TENM4: variants seen among roughly 807,000 people sequenced by gnomAD.
The protein encoded by TENM4 is teneurin transmembrane protein 4.
Under a neutral mutation model 243.3 loss-of-function variants are expected in TENM4, and 82 were observed. The ratio of observed to expected loss-of-function variants is 0.34; its 90% CI spans 0.28 to 0.40. TENM4 has a LOEUF of 0.40. Ranked by LOEUF, TENM4 falls within the 10% of genes least tolerant of loss-of-function variation. The pLI is 1.00. For synonymous variants in TENM4, 1,412 were observed against 1,456.3 expected, an observed-to-expected ratio of 0.97 and a Z score of 0.69; for missense variants, 3,138 against 3,673.3, an observed-to-expected ratio of 0.85 and a Z score of 3.77.
rs910895621 is a variant in TENM4, at chr11:78,656,921, CTTTT to C, written c.*1133_*1136del. On this transcript the variant is annotated 3_prime_UTR_variant, in exon 34 of 34. Transcript: ENST00000278550. ...CTTATGCCTTCCTCTCTTTGGCTGGCTTTTTTTGTTAAGCATTTTTCCAGAATCA... is the reference window on the plus strand; with the variant it reads ...CTTATGCCTTCCTCTCTTTGGCTGGCTTTGTTAAGCATTTTTCCAGAATCA... The C allele has an allele frequency of 1.5e-5, 6 of 397,756 alleles. No homozygotes were observed. The East Asian group carries it at 2.1e-4, about 14-fold the overall frequency. 24.6% of individuals were successfully genotyped at this position (397,756 alleles called of 1,614,324 possible). A position where few individuals can be genotyped will look rare whatever the true frequency, so the allele number is the denominator to read the frequency against.
rs1381180109 is a variant in TENM4, at chr11:78,654,379, T to C, written c.*3679A>G. 6.6e-6 allele frequency: 1 copy of C among 152,246 alleles called. No homozygotes were observed. Among genetic ancestry groups the C allele is most frequent in the East Asian group, 1.9e-4 (1 of 5,200 alleles). The allele number at this position is 152,246 out of a possible 1,614,324, so 9.4% of individuals were successfully genotyped here. ...ACCACAAATACAAGACTGCAAGTGG[T>C]AAAACTGCATTCTAAGATTTCACAT... On this transcript the variant is annotated 3_prime_UTR_variant, in exon 34 of 34. Transcript: ENST00000278550.
intron 4 of TENM4, among the ~76,000 whole-genome samples, chr11:79,103,676 C>T (rs955069617): frequency 1.3e-5 from 2 of 152,140 alleles, no homozygotes; most frequent in African/African-American, 2.4e-5. Flanking sequence ...AGATACTTTC[C>T]GATTTCATAA....
intron 12 of TENM4, 142 bp downstream of exon 12, chr11:78,853,962 C>T (rs756364352): frequency 3.8e-6 from 3 of 783,824 alleles, no homozygotes; most frequent in Non-Finnish European, 5.9e-6. Flanking sequence ...GTAGCAGGCC[C>T]AGTCAGGAGG....
intron 1 of TENM4, among the ~76,000 whole-genome samples, chr11:79,427,615 A>C (rs1859081025): frequency 6.6e-6 from 1 of 152,214 alleles, no homozygotes. Context: ...CCATGGCAAG[A>C]TTATGGGTTC....
chr11:78,855,831 C>T (rs1858667747), intron 11 of TENM4, 133 bp downstream of exon 11: 7 of 845,508 alleles, frequency 8.3e-6, no homozygotes, highest in Middle Eastern at 3.7e-4. Flanking sequence ...AGAGGGACTA[C>T]ATGAATGAAT....
intron 3 of TENM4, among the ~76,000 whole-genome samples, chr11:79,196,935 G>T (rs1395534147): frequency 6.6e-6 from 1 of 152,200 alleles, no homozygotes; most frequent in Non-Finnish European, 1.5e-5. Flanking sequence ...GCCTCCCTCA[G>T]CAAGGCTTAT....
At chr11:78,825,673 T>C (rs1206069736) in intron 12 of TENM4, among the ~76,000 whole-genome samples, 1 of 152,200 alleles carries the variant, frequency 6.6e-6, no homozygotes, top group Non-Finnish European at 1.5e-5. Context: ...GGAGGTAGTA[T>C]TTGAATAGCT....
At chr11:79,160,243 T>C (rs1862713792) in intron 3 of TENM4, among the ~76,000 whole-genome samples, 1 of 152,178 alleles carries the variant, frequency 6.6e-6, no homozygotes, top group Non-Finnish European at 1.5e-5. Flanking sequence ...GCATATCTCC[T>C]GGTGTGCAGG....
At chr11:79,412,591 T>C (rs1441686078) in intron 1 of TENM4, among the ~76,000 whole-genome samples, 2 of 152,190 alleles carry the variant, frequency 1.3e-5, no homozygotes, top group East Asian at 3.8e-4. Context: ...AAAGTAACAG[T>C]CCTTACTTCC....
intron 6 of TENM4, among the ~76,000 whole-genome samples, chr11:79,053,159 A>G (rs1859845302): frequency 6.6e-6 from 1 of 152,238 alleles, no homozygotes; most frequent in African/African-American, 2.4e-5. Flanking sequence ...GGCACCCTCT[A>G]AAGGATTCTT....
At chr11:79,327,916 A>G (rs537291574) in intron 1 of TENM4, among the ~76,000 whole-genome samples, 3 of 152,280 alleles carry the variant, frequency 2.0e-5, no homozygotes, top group African/African-American at 7.2e-5. Flanking sequence ...TTTCCAGGGC[A>G]CAATTTAGGG....
In TENM4 at chr11:79,413,888, T is replaced by C. The variant is rs1858755176; in HGVS notation, c.-321+26621A>G. 3.3e-5 allele frequency among the ~76,000 whole-genome samples: 5 copies of C among 151,932 alleles called. No individual in the cohort carries two copies. In the South Asian group the frequency reaches 8.3e-4, roughly 25 times the overall value. ...GCAAAAAAAAGGAGAAAAATATATATCTACACATATGCATGCACACACTGA... is the reference window on the plus strand; with the variant it reads ...GCAAAAAAAAGGAGAAAAATATATACCTACACATATGCATGCACACACTGA... On this transcript the variant is annotated intron_variant, in intron 1 of 33. Coordinates refer to ENST00000278550, the MANE Select transcript of TENM4 (RefSeq NM_001098816.3).
chr11:79,077,805 G>C (rs931107462), intron 4 of TENM4, among the ~76,000 whole-genome samples: 1 of 152,230 alleles, frequency 6.6e-6, no homozygotes, highest in Admixed American at 6.5e-5. Context: ...AATGTAAGTG[G>C]ACAGTAAAAT....
chr11:79,106,102 GT>G (rs1249565399), intron 4 of TENM4, among the ~76,000 whole-genome samples: 6 of 152,222 alleles, frequency 3.9e-5, no homozygotes, highest in Non-Finnish European at 5.9e-5. Flanking sequence ...ATCATATGAA[GT>G]GGAAATCATT....
At chr11:79,404,975 T>G (rs1334374751) in intron 1 of TENM4, among the ~76,000 whole-genome samples, 1 of 152,154 alleles carries the variant, frequency 6.6e-6, no homozygotes, top group Non-Finnish European at 1.5e-5. Flanking sequence ...ACAGGGAGTG[T>G]GCAGCACCAG....
intron 4 of TENM4, among the ~76,000 whole-genome samples, chr11:79,077,110 A>G (rs1186454832): frequency 6.6e-6 from 1 of 152,178 alleles, no homozygotes; most frequent in Non-Finnish European, 1.5e-5. Flanking sequence ...CAAAAGATCC[A>G]AGGAGGCGTC....
chr11:78,726,224 T>C lies in TENM4; in HGVS notation c.3407-2A>G. 1 of 1,613,432 alleles carries C rather than the reference T, an allele frequency of 6.2e-7. No homozygotes were observed. Among genetic ancestry groups the C allele is most frequent in the East Asian group, 2.2e-5 (1 of 44,864 alleles). Reference sequence around the variant, plus strand: ...ATTCATATTCATAACCCACGGAAACTGTAGGTGACAGAATGAGGCAAAATG... The same window carrying C: ...ATTCATATTCATAACCCACGGAAACCGTAGGTGACAGAATGAGGCAAAATG... On this transcript the variant is annotated splice_acceptor_variant, in intron 22 of 33. Coordinates refer to ENST00000278550, the MANE Select transcript of TENM4 (RefSeq NM_001098816.3). LOFTEE classifies it high-confidence loss of function.
intron 9 of TENM4, among the ~76,000 whole-genome samples, chr11:78,889,100 C>T (rs924359678): frequency 3.3e-5 from 5 of 152,296 alleles, no homozygotes; most frequent in South Asian, 4.1e-4. Flanking sequence ...AGGCAGAGGT[C>T]GGGAGGAGCT....
intron 18 of TENM4, 83 bp from the exon 19 acceptor site, chr11:78,757,104 T>C: frequency 7.2e-7 from 1 of 1,392,676 alleles, no homozygotes. Flanking sequence ...TCATTTCTTC[T>C]CTATTTTTCA....
Sources: gnomAD v4.1 joint callset for allele counts (sites outside exome capture counted in the v4.1 genomes callset) on GRCh38, gnomAD v4.1.1 for gene constraint, MANE v1.5 for transcripts, NCBI Gene and HGNC (gene_info 2026-07-23, HGNC 2026-07-21) for gene names.